INPP4B: variants seen among roughly 807,000 people sequenced by gnomAD.
The protein encoded by INPP4B is inositol polyphosphate-4-phosphatase type II B, also known as inositol polyphosphate 4-phosphatase type II.
In INPP4B, 55 loss-of-function variants were observed where a neutral mutation model predicts 122.5. That is an observed-to-expected ratio of 0.45 (90% CI 0.36 to 0.56). INPP4B has a LOEUF of 0.56. Among genes scored for constraint, INPP4B ranks in the 20% least tolerant of loss-of-function variants. INPP4B has a pLI of 0.00. For synonymous variants in INPP4B, 403 were observed against 388.7 expected, an observed-to-expected ratio of 1.04 and a Z score of -0.43; for missense variants, 1,000 against 1,097.7, an observed-to-expected ratio of 0.91 and a Z score of 1.26.
chr4:142,433,411 A>G (rs898246503), intron 3 of INPP4B, among the ~76,000 whole-genome samples: 2 of 152,180 alleles, frequency 1.3e-5, no homozygotes, highest in African/African-American at 4.8e-5. Context: ...TACAAGCTGA[A>G]TGGTCATCAT....
intron 2 of INPP4B, among the ~76,000 whole-genome samples, chr4:142,650,592 T>C (rs1355474798): frequency 6.7e-6 from 1 of 148,850 alleles, no homozygotes; most frequent in Non-Finnish European, 1.5e-5. Context: ...TGAAATAGAC[T>C]TGAAACCAAC....
At chr4:142,379,249 T>C (rs2148826277) in intron 7 of INPP4B, among the ~76,000 whole-genome samples, 1 of 152,298 alleles carries the variant, frequency 6.6e-6, no homozygotes, top group South Asian at 2.1e-4. Flanking sequence ...GAAAGACCAA[T>C]ATCCTTGTGA....
rs1204059286 is a variant in INPP4B, at chr4:142,634,044, TG to T, written c.-191+91794del. 4.0e-4 allele frequency among the ~76,000 whole-genome samples: 52 copies of T among 128,956 alleles called. 1 individual carries two copies. The highest frequency in any genetic ancestry group is 3.9e-3 in the Admixed American group (48 of 12,352). 84.6% of individuals were successfully genotyped at this position (128,956 alleles called of 152,430 possible). A position where few individuals can be genotyped will look rare whatever the true frequency, so the allele number is the denominator to read the frequency against. On this transcript the variant is annotated intron_variant, in intron 2 of 25. Transcript: ENST00000262992. ...ATGTCTCAGATAAAAAGGAGGGAGG[TG>T]GGGGGAAAAGGCAGGGGGCTGGAGG...
intron 1 of INPP4B, among the ~76,000 whole-genome samples, chr4:142,729,074 G>A (rs1199073417): frequency 6.6e-6 from 1 of 152,172 alleles, no homozygotes; most frequent in Non-Finnish European, 1.5e-5. Context: ...CAGATCATCA[G>A]GTATTAGATT....
At chr4:142,673,120 AC>A (rs1265076613) in intron 2 of INPP4B, among the ~76,000 whole-genome samples, 1 of 152,118 alleles carries the variant, frequency 6.6e-6, no homozygotes, top group South Asian at 2.1e-4. Flanking sequence ...GACCACACTC[AC>A]TGAATTACTC....
chr4:142,215,252 T>C lies in INPP4B; in HGVS notation c.837-6226A>G, dbSNP rs191858113. On this transcript the variant is annotated intron_variant, in intron 12 of 25. Transcript: ENST00000262992. ...AGACTGTAATCCCCAAACCCACTGT[T>C]CCCTTACCTCATATTATTCTCTACT... 4.9e-4 allele frequency among the ~76,000 whole-genome samples: 75 copies of C among 152,182 alleles called. 1 individual carries two copies. Among genetic ancestry groups the C allele is most frequent in the Middle Eastern group, 6.8e-3 (2 of 292 alleles).
chr4:142,337,021 C>A lies in INPP4B; in HGVS notation c.373-22259G>T, dbSNP rs1380862010. 2.0e-5 allele frequency among the ~76,000 whole-genome samples: 3 copies of A among 152,138 alleles called. No individual in the cohort carries two copies. The South Asian group carries it at 6.2e-4, about 31-fold the overall frequency. ...CCAAATAATGAACCACTAAACACAA[C>A]AGTGTGGGTTTTCTTTTTCTCTACA... On this transcript the variant is annotated intron_variant, in intron 7 of 25. Coordinates refer to ENST00000262992, the MANE Select transcript of INPP4B (RefSeq NM_001101669.3).
Position 142,550,587 on chromosome 4 carries a change from T to TACACAC in INPP4B, c.-190-87862_-190-87861insGTGTGT, listed in dbSNP as rs1473832625. ...CACTTTCATCATTATATATGTAATA[T>TACACAC]ATACACACACACACACACATATATA... On this transcript the variant is annotated intron_variant, in intron 2 of 25. Coordinates refer to ENST00000262992, the MANE Select transcript of INPP4B (RefSeq NM_001101669.3). Among the ~76,000 whole-genome samples the TACACAC allele has an allele frequency of 2.2e-4, 11 of 51,062 alleles. No homozygotes were observed. The South Asian group carries it at 2.4e-3, about 11-fold the overall frequency. The allele number at this position is 51,062 out of a possible 152,430, so 33.5% of individuals were successfully genotyped here. A position where few individuals can be genotyped will look rare whatever the true frequency, so the allele number is the denominator to read the frequency against.
chr4:142,359,814 T>A (rs535082475), intron 7 of INPP4B, among the ~76,000 whole-genome samples: 1 of 152,096 alleles, frequency 6.6e-6, no homozygotes, highest in South Asian at 2.1e-4. Flanking sequence ...TAATAACTTG[T>A]TATAGAGTTA....
intron 2 of INPP4B, among the ~76,000 whole-genome samples, chr4:142,486,806 AG>A (rs1282591517): frequency 6.6e-6 from 1 of 152,174 alleles, no homozygotes; most frequent in Non-Finnish European, 1.5e-5. Flanking sequence ...TTTGTTGCAT[AG>A]GTTTATCCAG....
At chr4:142,590,525 T>G (rs911760770) in intron 2 of INPP4B, among the ~76,000 whole-genome samples, 1 of 152,084 alleles carries the variant, frequency 6.6e-6, no homozygotes. Flanking sequence ...TATGCCGAAA[T>G]TGAAAAATTA....
intron 9 of INPP4B, among the ~76,000 whole-genome samples, chr4:142,279,829 A>G (rs950407805): frequency 6.6e-6 from 1 of 151,934 alleles, no homozygotes; most frequent in African/African-American, 2.4e-5. Context: ...CTTGGAGAAA[A>G]CATTTGCAAA....
intron 3 of INPP4B, among the ~76,000 whole-genome samples, chr4:142,434,927 T>C (rs1393936643): frequency 6.6e-6 from 1 of 152,110 alleles, no homozygotes; most frequent in Admixed American, 6.5e-5. Context: ...CATAATGTTT[T>C]AAGAAAGTTT....
chr4:142,127,475 CA>C (rs1561217443), intron 18 of INPP4B, among the ~76,000 whole-genome samples: 1 of 131,126 alleles, frequency 7.6e-6, no homozygotes, highest in Admixed American at 7.3e-5. Context: ...ACAAAAAAAA[CA>C]ACACCAAAAC....
chr4:142,795,609 C>A (rs376464947), intron 1 of INPP4B: 1 of 151,906 alleles, frequency 6.6e-6, no homozygotes, highest in Non-Finnish European at 1.5e-5. Flanking sequence ...ATTCCCTTCA[C>A]GAGGCTGTGT....
At chr4:142,436,551 C>A (rs1175626326) in intron 3 of INPP4B, among the ~76,000 whole-genome samples, 1 of 152,154 alleles carries the variant, frequency 6.6e-6, no homozygotes. Context: ...GAGGAAGGAG[C>A]AGGCACCCAT....
intron 15 of INPP4B, among the ~76,000 whole-genome samples, chr4:142,188,398 A>G (rs1834109194): frequency 6.7e-6 from 1 of 149,252 alleles, no homozygotes; most frequent in Admixed American, 6.7e-5. Flanking sequence ...GAGGCAAGAG[A>G]ATGGTGTGGA....
chr4:142,372,196 C>T lies in INPP4B; in HGVS notation c.372+30742G>A, dbSNP rs572933942. Among the ~76,000 whole-genome samples, 55 of 152,090 alleles carry T rather than the reference C, an allele frequency of 3.6e-4. 1 individual carries two copies. In the South Asian group the frequency reaches 0.011, roughly 30 times the overall value. On this transcript the variant is annotated intron_variant, in intron 7 of 25. Transcript: ENST00000262992. ...TAAGCCAGGCAAGAAAGACAAATAT[C>T]ATGTGTTCTCACTCCTATATGGGTG...
chr4:142,621,920 G>T lies in INPP4B; in HGVS notation c.-191+103919C>A, dbSNP rs532783364. ...TCTGAAGAAAAAAATCTACAGGCAA[G>T]TGTTGTTAATAGCCTACTTTTACAG... On this transcript the variant is annotated intron_variant, in intron 2 of 25. Coordinates refer to ENST00000262992, the MANE Select transcript of INPP4B (RefSeq NM_001101669.3). Among the ~76,000 whole-genome samples the T allele has an allele frequency of 6.2e-4, 95 of 152,034 alleles. No homozygotes were observed. The Middle Eastern group carries it at 0.01, about 16-fold the overall frequency.
Sources: allele counts gnomAD v4.1 joint callset (sites outside exome capture counted in the v4.1 genomes callset), GRCh38; gene constraint gnomAD v4.1.1; transcripts MANE v1.5; gene names NCBI Gene and HGNC (gene_info 2026-07-23, HGNC 2026-07-21).